Variants in PVT1 observed in about 807,000 individuals in gnomAD.
PVT1 encodes the protein Pvt1 oncogene.
At chr8:128,003,974 GA>G (rs1164676739) in intron 4 of PVT1, among the ~76,000 whole-genome samples, 3 of 152,250 alleles carry the variant, frequency 2.0e-5, no homozygotes, top group Non-Finnish European at 4.4e-5. Flanking sequence ...TTGGCTTGCA[GA>G]TGGTTGCCTT....
intron 3 of PVT1, among the ~76,000 whole-genome samples, chr8:127,918,154 G>A (rs901244560): frequency 1.3e-5 from 2 of 152,194 alleles, no homozygotes; most frequent in East Asian, 1.9e-4. Context: ...GGCGGCCTGC[G>A]CCACCGGAAT....
chr8:128,078,873 C>T (rs1814131555), intron 5 of PVT1, among the ~76,000 whole-genome samples: 1 of 152,150 alleles, frequency 6.6e-6, no homozygotes, highest in Admixed American at 6.5e-5. Context: ...GCAGCCTCGA[C>T]GTCCTGGGCT....
At chr8:127,962,056 C>A (rs767444433) in intron 3 of PVT1, among the ~76,000 whole-genome samples, 1 of 152,230 alleles carries the variant, frequency 6.6e-6, no homozygotes, top group African/African-American at 2.4e-5. Flanking sequence ...CTCACTGCAA[C>A]CTCCGCCTCT....
chr8:128,041,486 G>A (rs931396735), intron 4 of PVT1, among the ~76,000 whole-genome samples: 6 of 142,342 alleles, frequency 4.2e-5, no homozygotes, highest in South Asian at 2.4e-4. Flanking sequence ...TGCCTGGTGC[G>A]TATGTGTTTG....
intron 5 of PVT1, among the ~76,000 whole-genome samples, chr8:128,074,580 C>T (rs1331728008): frequency 2.7e-5 from 4 of 150,932 alleles, no homozygotes; most frequent in Non-Finnish European, 2.9e-5. Flanking sequence ...ACATGTAATG[C>T]TTTTTATAGT....
At chr8:128,009,834 T>C (rs922540354) in intron 4 of PVT1, 4 of 152,180 alleles carry the variant, frequency 2.6e-5, no homozygotes, top group African/African-American at 9.7e-5. Context: ...TATGCAAGTG[T>C]GGTACTGGAT....
chr8:127,892,342 G>T lies in PVT1; in HGVS notation n.782+1344G>T, dbSNP rs180855827. ...TGAGTTGAGGAAATGCATTTGCCTT[G>T]CACACAGGCTAGACACATACATAGT... On this transcript the variant is annotated intron_variant and non_coding_transcript_variant, in intron 3 of 10. Transcript: ENST00000651587. Among the ~76,000 whole-genome samples, 4 of 152,286 alleles carry T rather than the reference G, an allele frequency of 2.6e-5. No individual in the cohort carries two copies. In the East Asian group the frequency reaches 7.7e-4, roughly 29 times the overall value.
chr8:127,896,784 C>A (rs938905636), intron 3 of PVT1, among the ~76,000 whole-genome samples: 1 of 149,762 alleles, frequency 6.7e-6, no homozygotes, highest in Non-Finnish European at 1.5e-5. Flanking sequence ...TCCCCCCCCC[C>A]GCCCCCGACC....
At chr8:128,085,530 G>A (rs1397548294) in intron 5 of PVT1, among the ~76,000 whole-genome samples, 1 of 152,022 alleles carries the variant, frequency 6.6e-6, no homozygotes, top group Non-Finnish European at 1.5e-5. Flanking sequence ...TTTCTCATCT[G>A]TAAGTTAAGA....
At chr8:128,074,536 A>AGGG (rs891627457) in intron 5 of PVT1, among the ~76,000 whole-genome samples, 27 of 141,880 alleles carry the variant, frequency 1.9e-4, no homozygotes, top group African/African-American at 7.0e-4. Context: ...AAAAAAAAAA[A>AGGG]GGGGGGGGCT....
intron 6 of PVT1, among the ~76,000 whole-genome samples, chr8:128,097,490 A>G (rs1442857126): frequency 1.3e-5 from 2 of 152,220 alleles, no homozygotes; most frequent in African/African-American, 4.8e-5. Context: ...AAGAATATTC[A>G]GCAGAGACCA....
intron 4 of PVT1, among the ~76,000 whole-genome samples, chr8:127,995,817 C>T (rs1817097921): frequency 6.6e-6 from 1 of 152,208 alleles, no homozygotes; most frequent in Admixed American, 6.5e-5. Context: ...ACGTAATATA[C>T]TCCAGTTTGC....
chr8:127,867,386 G>A lies in PVT1; in HGVS notation n.373-23203G>A, dbSNP rs535504623. Among the ~76,000 whole-genome samples the A allele has an allele frequency of 2.0e-5, 3 of 152,324 alleles. No individual in the cohort carries two copies. In the East Asian group the frequency reaches 5.8e-4, roughly 29 times the overall value. On this transcript the variant is annotated intron_variant and non_coding_transcript_variant, in intron 2 of 10. Transcript: ENST00000651587. The stretch of plus-strand genomic sequence containing the variant: ...CCGCAGTTAGAGGGGTGGGAGGTGA[G>A]GAATTTTGTGAGGGGAATTATCTCT...
intron 4 of PVT1, among the ~76,000 whole-genome samples, chr8:128,004,141 G>C (rs1309843539): frequency 6.6e-6 from 1 of 152,188 alleles, no homozygotes; most frequent in Non-Finnish European, 1.5e-5. Context: ...AGTCACCTTA[G>C]GGGTTGGGAC....
At chr8:127,865,543 A>G (rs570896303) in intron 2 of PVT1, among the ~76,000 whole-genome samples, 1 of 152,296 alleles carries the variant, frequency 6.6e-6, no homozygotes, top group African/African-American at 2.4e-5. Flanking sequence ...TGAGGTGACA[A>G]GTAACATTGC....
intron 3 of PVT1, among the ~76,000 whole-genome samples, chr8:127,974,870 A>G (rs1339293643): frequency 6.6e-6 from 1 of 152,220 alleles, no homozygotes; most frequent in Non-Finnish European, 1.5e-5. Context: ...GATTTTATAT[A>G]GTCATAGGTG....
intron 2 of PVT1, among the ~76,000 whole-genome samples, chr8:127,835,287 TC>T (rs1340775607): frequency 1.3e-5 from 2 of 152,188 alleles, no homozygotes; most frequent in Non-Finnish European, 2.9e-5. Context: ...TGCATTCATG[TC>T]CTTTGCAGGG....
chr8:127,894,398 T>A (rs1196133098), intron 3 of PVT1, among the ~76,000 whole-genome samples: 1 of 152,130 alleles, frequency 6.6e-6, no homozygotes, highest in African/African-American at 2.4e-5. Flanking sequence ...GGAGAATGTG[T>A]CTCCTCCTTA....
intron 4 of PVT1, among the ~76,000 whole-genome samples, chr8:128,050,311 A>G (rs1364871376): frequency 1.3e-5 from 2 of 152,176 alleles, no homozygotes; most frequent in Non-Finnish European, 2.9e-5. Context: ...GGCCAAGTCC[A>G]AATTCTGAAA....
Sources: allele counts gnomAD v4.1 joint callset (sites outside exome capture counted in the v4.1 genomes callset), GRCh38; gene constraint gnomAD v4.1.1; transcripts MANE v1.5; gene names NCBI Gene and HGNC (gene_info 2026-07-23, HGNC 2026-07-21).